ST6GALNAC3: variants seen among roughly 807,000 people sequenced by gnomAD.
ST6GALNAC3 encodes alpha-N-acetylgalactosaminide alpha-2,6-sialyltransferase 3.
Under a neutral mutation model 32.7 loss-of-function variants are expected in ST6GALNAC3, and 25 were observed. The observed-to-expected ratio is 0.76, with a 90% confidence interval of 0.56 to 1.07. The LOEUF (loss-of-function observed/expected upper bound fraction) is 1.07, where lower values mean the gene tolerates loss of function less well. Ranked by LOEUF, ST6GALNAC3 falls within the 50% of genes least tolerant of loss-of-function variation. The pLI is 0.00. For missense variants in ST6GALNAC3, 355 were observed against 382.4 expected (o/e 0.93, Z 0.60); for synonymous variants, 129 against 133.1 (o/e 0.97, Z 0.21).
intron 1 of ST6GALNAC3, among the ~76,000 whole-genome samples, chr1:76,080,325 G>T (rs1447898697): frequency 1.3e-5 from 2 of 152,116 alleles, no homozygotes; most frequent in African/African-American, 2.4e-5. Flanking sequence ...ATAGACACAG[G>T]TCCAACCTGT....
chr1:76,438,307 G>A (rs551847833), intron 3 of ST6GALNAC3, among the ~76,000 whole-genome samples: 15 of 151,944 alleles, frequency 9.9e-5, no homozygotes, highest in East Asian at 5.9e-4. Flanking sequence ...GCCCGCCACC[G>A]TGCCCGGCTA....
intron 2 of ST6GALNAC3, among the ~76,000 whole-genome samples, chr1:76,388,963 TTGGTGTGGTTGTTAGTTGGTA>T (rs1270599311): frequency 4.0e-5 from 6 of 151,516 alleles, no homozygotes; most frequent in African/African-American, 1.2e-4. Flanking sequence ...CCTCCTAAGG[TTGGTGTGGTTGTTAGTTGGTA>T]TGGTGTGGTT....
At chr1:76,481,317 G>A (rs1659706767) in intron 3 of ST6GALNAC3, among the ~76,000 whole-genome samples, 1 of 152,108 alleles carries the variant, frequency 6.6e-6, no homozygotes. Flanking sequence ...AAGTCTGAAA[G>A]AAAAGTACAA....
chr1:76,204,724 A>G (rs1654725602), intron 1 of ST6GALNAC3, among the ~76,000 whole-genome samples: 1 of 152,192 alleles, frequency 6.6e-6, no homozygotes. Flanking sequence ...TATTGGTAGA[A>G]CTTTCTTATT....
chr1:76,092,361 A>C (rs1647059174), intron 1 of ST6GALNAC3, among the ~76,000 whole-genome samples: 1 of 152,228 alleles, frequency 6.6e-6, no homozygotes, highest in Non-Finnish European at 1.5e-5. Flanking sequence ...CCCTTGGTAA[A>C]GAAGTATCTT....
intron 1 of ST6GALNAC3, among the ~76,000 whole-genome samples, chr1:76,093,183 A>C (rs1445858826): frequency 1.3e-5 from 2 of 152,222 alleles, no homozygotes; most frequent in African/African-American, 4.8e-5. Flanking sequence ...GAAACACTGT[A>C]ACATGTTTGC....
intron 3 of ST6GALNAC3, among the ~76,000 whole-genome samples, chr1:76,480,597 A>G (rs1307422530): frequency 6.6e-6 from 1 of 152,148 alleles, no homozygotes; most frequent in African/African-American, 2.4e-5. Context: ...ATGATCTCCA[A>G]GGAAGAAAGT....
intron 3 of ST6GALNAC3, among the ~76,000 whole-genome samples, chr1:76,580,049 G>T (rs757038640): frequency 3.9e-5 from 6 of 151,964 alleles, no homozygotes; most frequent in Admixed American, 6.6e-5. Context: ...AGTACAACTA[G>T]TGTAGCCAAG....
intron 2 of ST6GALNAC3, among the ~76,000 whole-genome samples, chr1:76,362,243 T>A (rs966502486): frequency 6.6e-6 from 1 of 152,080 alleles, no homozygotes; most frequent in African/African-American, 2.4e-5. Context: ...AACTCACTCA[T>A]TATCACCAAG....
At chr1:76,407,155 C>T (rs1456791301) in intron 2 of ST6GALNAC3, among the ~76,000 whole-genome samples, 1 of 151,996 alleles carries the variant, frequency 6.6e-6, no homozygotes, top group Non-Finnish European at 1.5e-5. Context: ...CAAAGCCATT[C>T]CTTAGGCTTC....
intron 3 of ST6GALNAC3, among the ~76,000 whole-genome samples, chr1:76,567,987 T>C (rs183895903): frequency 0.012 from 1,822 of 152,296 alleles, 17 homozygotes; most frequent in Non-Finnish European, 0.018. Context: ...GCTATGTTGA[T>C]TTCTTATGAC....
chr1:76,122,957 G>A (rs993382219), intron 1 of ST6GALNAC3, among the ~76,000 whole-genome samples: 4 of 152,188 alleles, frequency 2.6e-5, no homozygotes, highest in African/African-American at 9.7e-5. Context: ...TGGACCAGCA[G>A]TATCAGCATC....
At chr1:76,495,658 A>G (rs1272198799) in intron 3 of ST6GALNAC3, among the ~76,000 whole-genome samples, 1 of 152,130 alleles carries the variant, frequency 6.6e-6, no homozygotes, top group Non-Finnish European at 1.5e-5. Flanking sequence ...TTTTAAATCA[A>G]TAGGTATCTC....
intron 1 of ST6GALNAC3, among the ~76,000 whole-genome samples, chr1:76,158,571 T>G (rs951644028): frequency 3.9e-5 from 6 of 152,350 alleles, no homozygotes; most frequent in African/African-American, 7.2e-5. Flanking sequence ...CTTTTGTTGT[T>G]GTTCTTCTTT....
chr1:76,108,531 C>T (rs1647694845), intron 1 of ST6GALNAC3, among the ~76,000 whole-genome samples: 1 of 152,152 alleles, frequency 6.6e-6, no homozygotes, highest in Admixed American at 6.5e-5. Context: ...TTTGATGGAA[C>T]TGTGTTCAGC....
At chr1:76,322,944 G>A (rs995475813) in intron 2 of ST6GALNAC3, among the ~76,000 whole-genome samples, 3 of 152,050 alleles carry the variant, frequency 2.0e-5, no homozygotes, top group Middle Eastern at 3.2e-3. Flanking sequence ...CGGCTCAAGC[G>A]ATTCTCCTGC....
At chr1:76,348,804 T>G (rs992196183) in intron 2 of ST6GALNAC3, among the ~76,000 whole-genome samples, 1 of 152,202 alleles carries the variant, frequency 6.6e-6, no homozygotes, top group African/African-American at 2.4e-5. Flanking sequence ...AAATCAATGT[T>G]GAGCGTCTAA....
intron 1 of ST6GALNAC3, among the ~76,000 whole-genome samples, chr1:76,188,086 A>G (rs1653673728): frequency 6.6e-6 from 1 of 152,184 alleles, no homozygotes; most frequent in Admixed American, 6.5e-5. Context: ...TGTATGGGCC[A>G]GGCGCGGTGG....
At position 76,509,492 on chromosome 1, in the gene ST6GALNAC3, A is replaced by G. The variant is rs190693383; in HGVS notation, c.623+97075A>G. On this transcript the variant is annotated intron_variant, in intron 3 of 4. Coordinates refer to ENST00000328299, the MANE Select transcript of ST6GALNAC3 (RefSeq NM_152996.4). The surrounding 1 kb of genome is among the most constrained non-coding windows in gnomAD (Gnocchi z 5.5). ...GTAAGAGCAGTTCTTGAGGTATTGA[A>G]TCTACATGAAAGGGATGGAATAAAC... Among the ~76,000 whole-genome samples the G allele has an allele frequency of 1.3e-5, 2 of 152,218 alleles. No homozygotes were observed. Among genetic ancestry groups the G allele is most frequent in the Non-Finnish European group, 2.9e-5 (2 of 68,046 alleles).
Sources: allele counts gnomAD v4.1 joint callset (sites outside exome capture counted in the v4.1 genomes callset), GRCh38; gene constraint gnomAD v4.1.1; non-coding constraint Gnocchi (gnomAD v3.1); transcripts MANE v1.5; gene names NCBI Gene and HGNC (gene_info 2026-07-23, HGNC 2026-07-21).